The following B3GALT1 variants were observed in gnomAD, a reference collection of about 807,000 sequenced individuals.
B3GALT1 encodes the protein beta-1,3-galactosyltransferase 1.
Under a neutral mutation model 23.2 loss-of-function variants are expected in B3GALT1, and 10 were observed. That is an observed-to-expected ratio of 0.43 (90% CI 0.27 to 0.73). The LOEUF is 0.73. Ranked by LOEUF, B3GALT1 falls within the 30% of genes least tolerant of loss-of-function variation. The probability of loss-of-function intolerance (pLI) is 0.21; values close to 1 mark genes in which losing one functional copy is unlikely to be tolerated. For synonymous variants in B3GALT1, 156 were observed against 141.5 expected, an observed-to-expected ratio of 1.10 and a Z score of -0.73; for missense variants, 299 against 405.4, an observed-to-expected ratio of 0.74 and a Z score of 2.25.
chr2:167,719,720 C>T (rs935397306), intron 3 of B3GALT1, among the ~76,000 whole-genome samples: 12 of 152,190 alleles, frequency 7.9e-5, no homozygotes, highest in African/African-American at 2.9e-4. Flanking sequence ...ATCAAGAGGT[C>T]AGGAGTTCAA....
chr2:167,815,937 C>A (rs1052213709), intron 3 of B3GALT1, among the ~76,000 whole-genome samples: 2 of 152,138 alleles, frequency 1.3e-5, no homozygotes, highest in African/African-American at 4.8e-5. Context: ...AGATAATGAA[C>A]AAATTCATTT....
intron 4 of B3GALT1, among the ~76,000 whole-genome samples, chr2:167,852,078 T>C (rs995840063): frequency 6.6e-6 from 1 of 152,260 alleles, no homozygotes; most frequent in African/African-American, 2.4e-5. Context: ...AGTGAAGTTA[T>C]GTTGTCTTCA....
chr2:167,862,483 G>C (rs1374001854), intron 4 of B3GALT1, among the ~76,000 whole-genome samples: 1 of 152,222 alleles, frequency 6.6e-6, no homozygotes, highest in Non-Finnish European at 1.5e-5. Flanking sequence ...GGTGAGGGCA[G>C]TCTTCCTTAC....
chr2:167,400,786 T>C (rs1698176050), intron 1 of B3GALT1, among the ~76,000 whole-genome samples: 1 of 152,082 alleles, frequency 6.6e-6, no homozygotes, highest in African/African-American at 2.4e-5. Context: ...TTTAATAGCT[T>C]AATTGGGTGA....
intron 1 of B3GALT1, among the ~76,000 whole-genome samples, chr2:167,402,959 C>T (rs1698215529): frequency 6.6e-6 from 1 of 152,050 alleles, no homozygotes; most frequent in Non-Finnish European, 1.5e-5. Flanking sequence ...CCCATCCCCA[C>T]TCCCCCACCC....
chr2:167,434,235 A>ATATAT lies in B3GALT1; in HGVS notation c.-510-55940_-510-55936dup, dbSNP rs199559952. 2.6e-3 allele frequency among the ~76,000 whole-genome samples: 389 copies of ATATAT among 152,298 alleles called. 15 individuals are homozygous for ATATAT. In the East Asian group the frequency reaches 0.057, roughly 22 times the overall value. ...AATAAAACTGCTTGCCAAGAAAACC[A>ATATAT]TATATTCTTAGATCTCTTTCACAGT... On this transcript the variant is annotated intron_variant, in intron 1 of 4. Coordinates refer to ENST00000392690, the MANE Select transcript of B3GALT1 (RefSeq NM_020981.4).
chr2:167,797,592 C>A (rs10189936), intron 3 of B3GALT1, among the ~76,000 whole-genome samples: 14,144 of 152,300 alleles, frequency 0.093, 1,417 homozygotes, highest in East Asian at 0.3. Flanking sequence ...TACACTCCCA[C>A]CAACAGTGTA....
intron 1 of B3GALT1, among the ~76,000 whole-genome samples, chr2:167,301,988 T>A (rs555943392): frequency 6.6e-6 from 1 of 152,294 alleles, no homozygotes; most frequent in East Asian, 1.9e-4. Flanking sequence ...TTCAGTAATA[T>A]CTCTTGTAGG....
At position 167,870,762 on chromosome 2, in the gene B3GALT1, G is replaced by T. The variant is rs1690330449; in HGVS notation, c.*742G>T. The T allele has an allele frequency of 6.1e-6, 1 of 164,496 alleles. No individual in the cohort carries two copies. Among genetic ancestry groups the T allele is most frequent in the African/African-American group, 2.5e-5 (1 of 40,508 alleles). 10.2% of individuals were successfully genotyped at this position (164,496 alleles called of 1,614,324 possible). ...TGCTCTTTCAGAACAAACATTAAAT[G>T]GTGCCTCCAAGGAAACTTTGCCAAA... is the stretch of plus-strand genomic sequence containing the variant. On this transcript the variant is annotated 3_prime_UTR_variant, in exon 5 of 5. Coordinates refer to ENST00000392690, the MANE Select transcript of B3GALT1 (RefSeq NM_020981.4).
At chr2:167,764,808 A>G (rs1209450177) in intron 3 of B3GALT1, among the ~76,000 whole-genome samples, 1 of 152,080 alleles carries the variant, frequency 6.6e-6, no homozygotes, top group Non-Finnish European at 1.5e-5. Flanking sequence ...GAAAATAACT[A>G]ACGGCTTTCT....
intron 2 of B3GALT1, among the ~76,000 whole-genome samples, chr2:167,620,499 A>G (rs1358039465): frequency 6.6e-6 from 1 of 152,140 alleles, no homozygotes; most frequent in Non-Finnish European, 1.5e-5. Flanking sequence ...TGAAAGTACA[A>G]TCAATTCTTA....
intron 3 of B3GALT1, chr2:167,715,450 C>T (rs769196305): frequency 3.7e-6 from 6 of 1,606,530 alleles, no homozygotes; most frequent in South Asian, 1.1e-5. Flanking sequence ...TTATTGCTAT[C>T]GCCCGTCGTT....
chr2:167,460,253 G>A (rs754673166), intron 1 of B3GALT1, among the ~76,000 whole-genome samples: 3 of 152,132 alleles, frequency 2.0e-5, no homozygotes, highest in Non-Finnish European at 4.4e-5. Flanking sequence ...TGTTTTGCTT[G>A]ATGGTGTCCC....
intron 2 of B3GALT1, among the ~76,000 whole-genome samples, chr2:167,500,643 A>AG (rs1699837365): frequency 6.6e-6 from 1 of 151,882 alleles, no homozygotes; most frequent in East Asian, 1.9e-4. Flanking sequence ...AGGAAAAAAA[A>AG]AATGCACATA....
chr2:167,740,381 TC>T (rs1247783204), intron 3 of B3GALT1, among the ~76,000 whole-genome samples: 1 of 152,164 alleles, frequency 6.6e-6, no homozygotes, highest in Non-Finnish European at 1.5e-5. Context: ...TACATGCTGT[TC>T]CTGAACATCA....
At position 167,393,703 on chromosome 2, in the gene B3GALT1, T is replaced by G. The variant is rs148391994; in HGVS notation, c.-510-96474T>G. Among the ~76,000 whole-genome samples, 401 of 152,318 alleles carry G rather than the reference T, an allele frequency of 2.6e-3. 4 individuals carry two copies. Among genetic ancestry groups the G allele is most frequent in the Admixed American group, 0.016 (249 of 15,298 alleles). ...TTTGGAATTTCATCTCAATTCAATC[T>G]TTTGACATAGTATGGTAGTTTTGTT... On this transcript the variant is annotated intron_variant, in intron 1 of 4. Coordinates refer to ENST00000392690, the MANE Select transcript of B3GALT1 (RefSeq NM_020981.4).
intron 1 of B3GALT1, among the ~76,000 whole-genome samples, chr2:167,439,569 T>C (rs2105311930): frequency 6.6e-6 from 1 of 152,132 alleles, no homozygotes; most frequent in Admixed American, 6.5e-5. Flanking sequence ...TTATTATTAT[T>C]ATACTTTAAG....
chr2:167,416,551 G>C (rs149042072), intron 1 of B3GALT1, among the ~76,000 whole-genome samples: 16 of 152,214 alleles, frequency 1.1e-4, no homozygotes, highest in Non-Finnish European at 2.2e-4. Flanking sequence ...GTGGAAATGC[G>C]GGGTTAGAGT....
intron 2 of B3GALT1, among the ~76,000 whole-genome samples, chr2:167,520,064 GA>G (rs1700165284): frequency 6.6e-6 from 1 of 150,456 alleles, no homozygotes; most frequent in Non-Finnish European, 1.5e-5. Context: ...AGAAAAGAAA[GA>G]AAAATATATT....
Sources: gnomAD v4.1 joint callset for allele counts (sites outside exome capture counted in the v4.1 genomes callset) on GRCh38, gnomAD v4.1.1 for gene constraint, MANE v1.5 for transcripts, NCBI Gene and HGNC (gene_info 2026-07-23, HGNC 2026-07-21) for gene names.